The following ADAMTS3 variants were observed in gnomAD, a reference collection of about 807,000 sequenced individuals.
ADAMTS3 encodes A disintegrin and metalloproteinase with thrombospondin motifs 3.
A neutral mutation model predicts 129.0 loss-of-function variants in ADAMTS3; 73 were observed. That is an observed-to-expected ratio of 0.57 (90% CI 0.47 to 0.69). ADAMTS3 has a LOEUF of 0.69. Among genes scored for constraint, ADAMTS3 ranks in the 30% least tolerant of loss-of-function variants. The pLI is 0.00. For missense variants in ADAMTS3, 1,457 were observed against 1,514.5 expected (o/e 0.96, Z 0.63); for synonymous variants, 477 against 510.8 (o/e 0.93, Z 0.89).
At chr4:72,385,534 G>T (rs1015816022) in intron 4 of ADAMTS3, among the ~76,000 whole-genome samples, 2 of 152,038 alleles carry the variant, frequency 1.3e-5, no homozygotes, top group African/African-American at 4.8e-5. Flanking sequence ...AAAAGGCAGA[G>T]ATTATAAGAA....
intron 3 of ADAMTS3, among the ~76,000 whole-genome samples, chr4:72,420,481 C>T (rs1560509278): frequency 1.3e-5 from 2 of 152,168 alleles, no homozygotes; most frequent in Non-Finnish European, 2.9e-5. Flanking sequence ...ATCTGCTTCT[C>T]AACCCAGCAC....
rs550531284 is a variant in ADAMTS3, at chr4:72,324,711, T to C, written c.862-1614A>G. On this transcript the variant is annotated intron_variant, in intron 5 of 21. Coordinates refer to ENST00000286657, the MANE Select transcript of ADAMTS3 (RefSeq NM_014243.3). ...CATAAGTGTGCAGGCAGATAGCTCA[T>C]GCACAAGTTGTCCCACTCTAGGCTA... Among the ~76,000 whole-genome samples the C allele has an allele frequency of 7.9e-5, 12 of 152,272 alleles. No homozygotes were observed. In the South Asian group the frequency reaches 2.5e-3, roughly 32 times the overall value.
At chr4:72,419,601 G>A (rs749888703) in intron 3 of ADAMTS3, among the ~76,000 whole-genome samples, 20 of 152,130 alleles carry the variant, frequency 1.3e-4, no homozygotes, top group Non-Finnish European at 2.2e-4. Context: ...TTCTTAAAAC[G>A]TTATGAGATT....
chr4:72,402,495 A>C (rs1721948732), intron 4 of ADAMTS3, among the ~76,000 whole-genome samples: 1 of 152,162 alleles, frequency 6.6e-6, no homozygotes, highest in African/African-American at 2.4e-5. Context: ...TGAAGGCATA[A>C]AATATAAACA....
intron 3 of ADAMTS3, among the ~76,000 whole-genome samples, chr4:72,498,424 A>G (rs529958703): frequency 5.9e-5 from 9 of 152,200 alleles, no homozygotes; most frequent in African/African-American, 2.2e-4. Context: ...GAGTTTTACT[A>G]GAAAAGCCTG....
At chr4:72,409,510 G>C (rs1416386773) in intron 4 of ADAMTS3, among the ~76,000 whole-genome samples, 1 of 151,940 alleles carries the variant, frequency 6.6e-6, no homozygotes, top group East Asian at 1.9e-4. Context: ...TAGTAATCCT[G>C]AGCTCTGAAG....
At chr4:72,292,479 T>C (rs1718698964) in intron 19 of ADAMTS3, among the ~76,000 whole-genome samples, 2 of 152,196 alleles carry the variant, frequency 1.3e-5, no homozygotes, top group South Asian at 4.1e-4. Context: ...GTAAAAACTG[T>C]TCACACAAAT....
intron 4 of ADAMTS3, among the ~76,000 whole-genome samples, chr4:72,376,990 AAG>A (rs1366987798): frequency 6.6e-6 from 1 of 152,206 alleles, no homozygotes; most frequent in Non-Finnish European, 1.5e-5. Context: ...AATACTGAAA[AAG>A]AGAGAGAATA....
At position 72,444,028 on chromosome 4, in the gene ADAMTS3, G is replaced by A. The variant is rs76265533; in HGVS notation, c.505-29057C>T. Among the ~76,000 whole-genome samples, 306 of 151,828 alleles carry A rather than the reference G, an allele frequency of 2.0e-3. 1 individual carries two copies. Among genetic ancestry groups the A allele is most frequent in the African/African-American group, 6.9e-3 (288 of 41,492 alleles). ...GCCATTGTTTTTATCATCATATGCT[G>A]CAGGGAACTTAAAAATCAGCTCAAA... On this transcript the variant is annotated intron_variant, in intron 3 of 21. Transcript: ENST00000286657.
chr4:72,369,012 A>G (rs1720937981), intron 4 of ADAMTS3, among the ~76,000 whole-genome samples: 1 of 152,186 alleles, frequency 6.6e-6, no homozygotes, highest in African/African-American at 2.4e-5. Flanking sequence ...TGCAATTAAA[A>G]TTTATTGAGT....
At chr4:72,461,624 G>A (rs1718774090) in intron 3 of ADAMTS3, among the ~76,000 whole-genome samples, 2 of 151,848 alleles carry the variant, frequency 1.3e-5, no homozygotes, top group African/African-American at 4.8e-5. Flanking sequence ...CTTGTGGACC[G>A]ATGGTAAAAT....
At chr4:72,357,238 C>A (rs540236074) in intron 4 of ADAMTS3, among the ~76,000 whole-genome samples, 30 of 151,870 alleles carry the variant, frequency 2.0e-4, no homozygotes, top group African/African-American at 7.0e-4. Flanking sequence ...TATGTGAATA[C>A]CCTGTGATAA....
chr4:72,521,217 C>T (rs202052800), intron 3 of ADAMTS3, among the ~76,000 whole-genome samples: 1 of 152,042 alleles, frequency 6.6e-6, no homozygotes, highest in South Asian at 2.1e-4. Context: ...AGGCTGGTCT[C>T]GAACTCCTGA....
intron 2 of ADAMTS3, among the ~76,000 whole-genome samples, chr4:72,557,250 G>T (rs1721790485): frequency 6.6e-6 from 1 of 151,942 alleles, no homozygotes; most frequent in Admixed American, 6.5e-5. Context: ...CATCAGAAAT[G>T]ATGGGAGCCA....
chr4:72,387,336 C>T (rs1405369457), intron 4 of ADAMTS3, among the ~76,000 whole-genome samples: 1 of 152,168 alleles, frequency 6.6e-6, no homozygotes, highest in African/African-American at 2.4e-5. Flanking sequence ...AGCCATATGA[C>T]CCATAACTGT....
At chr4:72,361,031 C>T (rs775885164) in intron 4 of ADAMTS3, among the ~76,000 whole-genome samples, 1 of 152,036 alleles carries the variant, frequency 6.6e-6, no homozygotes. Context: ...TCGGAATGAG[C>T]AGATTCTGGC....
At chr4:72,495,695 TGCA>T (rs1258886075) in intron 3 of ADAMTS3, among the ~76,000 whole-genome samples, 7 of 146,126 alleles carry the variant, frequency 4.8e-5, no homozygotes, top group African/African-American at 1.8e-4. Flanking sequence ...TTTAATAACC[TGCA>T]GCAAAAAAAG....
intron 2 of ADAMTS3, among the ~76,000 whole-genome samples, chr4:72,552,398 T>C (rs1170125788): frequency 6.6e-6 from 1 of 152,176 alleles, no homozygotes; most frequent in African/African-American, 2.4e-5. Context: ...ATTAAAATAA[T>C]GTTGTGGTTC....
chr4:72,467,370 T>C (rs975259986), intron 3 of ADAMTS3, among the ~76,000 whole-genome samples: 5 of 152,044 alleles, frequency 3.3e-5, no homozygotes, highest in African/African-American at 9.7e-5. Flanking sequence ...TTCCAACTTC[T>C]CTAAGTCTTA....
Sources: allele counts gnomAD v4.1 joint callset (sites outside exome capture counted in the v4.1 genomes callset), GRCh38; gene constraint gnomAD v4.1.1; transcripts MANE v1.5; gene names NCBI Gene and HGNC (gene_info 2026-07-23, HGNC 2026-07-21).